Variants in CIP2A observed in about 807,000 individuals in gnomAD.
CIP2A encodes the protein cellular inhibitor of PP2A, also known as protein CIP2A.
CIP2A carries 103 observed loss-of-function variants against 110.9 expected under a neutral mutation model. The ratio of observed to expected loss-of-function variants is 0.93; its 90% CI spans 0.79 to 1.09. CIP2A has a LOEUF of 1.09. Among genes scored for constraint, CIP2A ranks in the 50% least tolerant of loss-of-function variants. The probability of loss-of-function intolerance (pLI) is 0.00; values close to 1 mark genes in which losing one functional copy is unlikely to be tolerated. For synonymous variants in CIP2A, 381 were observed against 361.6 expected (o/e 1.05, Z -0.61); for missense variants, 1,088 against 1,038.4 (o/e 1.05, Z -0.66).
chr3:108,568,107 AAG>A, intron 10 of CIP2A, 46 bp downstream of exon 10: 1 of 1,447,214 alleles, frequency 6.9e-7, no homozygotes, highest in Non-Finnish European at 9.4e-7. Flanking sequence ...CTAGAAAAAA[AAG>A]AATGGTTAGT....
rs1053375454 is a variant in CIP2A, at chr3:108,553,810, T to C, written c.2325-80A>G. 2.5e-5 allele frequency: 29 copies of C among 1,176,542 alleles called. 1 individual carries two copies. The highest frequency in any genetic ancestry group is 3.2e-5 in the Non-Finnish European group (28 of 879,844). The allele number at this position is 1,176,542 out of a possible 1,614,324, so 72.9% of individuals were successfully genotyped here. A position where few individuals can be genotyped will look rare whatever the true frequency, so the allele number is the denominator to read the frequency against. On this transcript the variant is annotated intron_variant, in intron 18 of 20. Transcript: ENST00000295746. ...AACTTTTTCTCCCTACCAAGCACTT[T>C]GGGAGGCCAAGGCGGGCAGATCACA...
At chr3:108,586,350 T>A (rs545701530) in intron 1 of CIP2A, among the ~76,000 whole-genome samples, 5,535 of 152,246 alleles carry the variant, frequency 0.036, 332 homozygotes, top group African/African-American at 0.12. Context: ...ACTGTGGGCA[T>A]TACCCTGTTG....
intron 9 of CIP2A, 101 bp from the exon 10 acceptor site, chr3:108,568,415 T>C (rs1232583672): frequency 2.2e-6 from 2 of 890,372 alleles, no homozygotes; most frequent in African/African-American, 3.5e-5. Flanking sequence ...ATTTTTTATA[T>C]TTCCTTCAAT....
chr3:108,573,580 A>AT (rs1394207512), intron 8 of CIP2A, among the ~76,000 whole-genome samples: 1 of 151,814 alleles, frequency 6.6e-6, no homozygotes, highest in Non-Finnish European at 1.5e-5. Context: ...CGAATACTAG[A>AT]TTTTTCCCTT....
chr3:108,559,184 G>GA (rs1937914073), intron 16 of CIP2A, among the ~76,000 whole-genome samples: 1 of 152,140 alleles, frequency 6.6e-6, no homozygotes, highest in African/African-American at 2.4e-5. Context: ...GGGCAGAAAA[G>GA]AGTAATATTT....
chr3:108,571,095 G>A (rs897056436), intron 8 of CIP2A, among the ~76,000 whole-genome samples: 11 of 152,026 alleles, frequency 7.2e-5, no homozygotes, highest in Non-Finnish European at 1.2e-4. Flanking sequence ...TTGTCCCACT[G>A]GAAGGTCTTC....
chr3:108,574,501 A>G (rs933114659), intron 8 of CIP2A: 1 of 152,260 alleles, frequency 6.6e-6, no homozygotes, highest in Non-Finnish European at 1.5e-5. Flanking sequence ...CAAGCTGTCC[A>G]TAAGCTCACC....
At chr3:108,585,240 G>A (rs993947630) in intron 1 of CIP2A, 28 bp from the exon 2 acceptor site, 2 of 1,559,008 alleles carry the variant, frequency 1.3e-6, no homozygotes, top group African/African-American at 2.7e-5. Context: ...AAATGTGTTG[G>A]TTAAGCGATG....
chr3:108,559,605 A>T, intron 16 of CIP2A, 152 bp downstream of exon 16: 1 of 455,206 alleles, frequency 2.2e-6, no homozygotes, highest in Non-Finnish European at 3.8e-6. Context: ...AACCAAAATT[A>T]AAGAGGACAG....
chr3:108,553,663 C>T lies in CIP2A; in HGVS notation c.2392G>A (p.Glu798Lys). 4.5e-6 allele frequency: 7 copies of T among 1,540,722 alleles called. No homozygotes were observed. Among genetic ancestry groups the T allele is most frequent in the South Asian group, 1.1e-5 (1 of 89,286 alleles). The change falls in exon 19 of 21, where the codon GAA becomes AAA. Residue 798 changes from glutamate (E) to lysine (K), a missense_variant. Transcript: ENST00000295746. Reference sequence around the variant, plus strand: ...AGCCACTTACTTGCTAGCTTATGTTCTCTGTCTACTAGCTGATTCTGTACT... The same window carrying T: ...AGCCACTTACTTGCTAGCTTATGTTTTCTGTCTACTAGCTGATTCTGTACT... ...KEVQNQLVDR[E>K]HKLANLHQKT...
intron 1 of CIP2A, chr3:108,585,652 T>C (rs1939019715): frequency 2.2e-6 from 1 of 454,882 alleles, no homozygotes; most frequent in Non-Finnish European, 4.4e-6. Context: ...TAAATTCTAA[T>C]ACATTCTACT....
intron 17 of CIP2A, among the ~76,000 whole-genome samples, chr3:108,554,874 A>C (rs1222137007): frequency 6.6e-6 from 1 of 152,268 alleles, no homozygotes; most frequent in African/African-American, 2.4e-5. Context: ...AGGTAAACAC[A>C]GAAAAAAATC....
intron 4 of CIP2A, among the ~76,000 whole-genome samples, chr3:108,581,802 T>G (rs1938889843): frequency 6.6e-6 from 1 of 152,196 alleles, no homozygotes; most frequent in African/African-American, 2.4e-5. Flanking sequence ...CAAGAATAAC[T>G]ACACAATTTT....
intron 8 of CIP2A, among the ~76,000 whole-genome samples, chr3:108,573,953 A>G (rs1381643996): frequency 2.0e-5 from 3 of 152,140 alleles, no homozygotes; most frequent in Non-Finnish European, 4.4e-5. Flanking sequence ...AAGTTAAAAA[A>G]AACTAGGAAG....
intron 17 of CIP2A, among the ~76,000 whole-genome samples, chr3:108,555,596 A>C (rs1937768255): frequency 6.6e-6 from 1 of 152,192 alleles, no homozygotes; most frequent in Non-Finnish European, 1.5e-5. Flanking sequence ...CTGAATTTTA[A>C]CCACTGTTCT....
At chr3:108,553,290 C>T (rs1937641795) in intron 19 of CIP2A, among the ~76,000 whole-genome samples, 1 of 151,668 alleles carries the variant, frequency 6.6e-6, no homozygotes, top group Non-Finnish European at 1.5e-5. Context: ...ACACACCTGG[C>T]TAAATTTTTG....
intron 10 of CIP2A, among the ~76,000 whole-genome samples, chr3:108,567,052 T>C (rs1938213582): frequency 6.6e-6 from 1 of 151,762 alleles, no homozygotes. Flanking sequence ...TATAAATATC[T>C]CCAAGGTCAA....
At chr3:108,561,303 G>A (rs894567971) in intron 13 of CIP2A, among the ~76,000 whole-genome samples, 2 of 152,012 alleles carry the variant, frequency 1.3e-5, no homozygotes, top group Non-Finnish European at 2.9e-5. Flanking sequence ...TCCTTTATCT[G>A]GAACACGCTT....
At position 108,560,011 on chromosome 3, in the gene CIP2A, A is replaced by C; in HGVS notation, c.1845T>G (p.Cys615Trp). Residue 615 changes from cysteine (C) to tryptophan (W), a missense_variant, in exon 15 of 21, where the codon TGT (cysteine) becomes TGG (tryptophan). Transcript: ENST00000295746. ...QSGMVVKDQI[C>W]DVRISDIMDV... The stretch of plus-strand genomic sequence containing the variant: ...CCATTATGTCAGATATTCTCACATC[A>C]CAAATCTGATCCTTTACCTACATTT... 2 of 1,594,464 alleles carry C rather than the reference A, an allele frequency of 1.3e-6. No homozygotes were observed. Among genetic ancestry groups the C allele is most frequent in the Non-Finnish European group, 8.6e-7 (1 of 1,165,244 alleles).
Sources: gnomAD v4.1 joint callset for allele counts (sites outside exome capture counted in the v4.1 genomes callset) on GRCh38, gnomAD v4.1.1 for gene constraint, MANE v1.5 for transcripts, NCBI Gene and HGNC (gene_info 2026-07-23, HGNC 2026-07-21) for gene names.